RBFOX3: variants seen among roughly 807,000 people sequenced by gnomAD.
RBFOX3 encodes RNA binding fox-1 homolog 3.
Under a neutral mutation model 48.7 loss-of-function variants are expected in RBFOX3, and 17 were observed. The observed-to-expected ratio is 0.35, with a 90% CI of 0.24 to 0.52. The LOEUF (loss-of-function observed/expected upper bound fraction) is 0.52. Among genes scored for constraint, RBFOX3 ranks in the 20% least tolerant of loss-of-function variants. The probability of loss-of-function intolerance (pLI) is 0.94; values close to 1 mark genes in which losing one functional copy is unlikely to be tolerated. For missense variants in RBFOX3, 382 were observed against 497.5 expected (o/e 0.77, Z 2.21); for synonymous variants, 212 against 209.5 (o/e 1.01, Z -0.10).
At chr17:79,226,576 G>A (rs2060334674) in intron 4 of RBFOX3, among the ~76,000 whole-genome samples, 1 of 152,196 alleles carries the variant, frequency 6.6e-6, no homozygotes, top group Non-Finnish European at 1.5e-5. Flanking sequence ...TGTGGAGCAG[G>A]AGGAGCCTGG....
intron 1 of RBFOX3, among the ~76,000 whole-genome samples, chr17:79,528,816 C>A (rs1444912948): frequency 6.6e-6 from 1 of 152,088 alleles, no homozygotes; most frequent in East Asian, 1.9e-4. Context: ...AGAGGGAGCA[C>A]GGCCCTGCGA....
chr17:79,259,675 C>G (rs1018568461), intron 3 of RBFOX3, among the ~76,000 whole-genome samples: 3 of 152,086 alleles, frequency 2.0e-5, no homozygotes, highest in African/African-American at 7.2e-5. Context: ...GTCAGTAGAC[C>G]GGGCTCCCTT....
At chr17:79,106,534 A>G in intron 6 of RBFOX3, 117 bp downstream of exon 6, 1 of 1,275,530 alleles carries the variant, frequency 7.8e-7, no homozygotes, top group Non-Finnish European at 1.0e-6. Context: ...CTCCCTGCGC[A>G]GTGGGAGGCA....
chr17:79,090,872 G>T lies in RBFOX3; in HGVS notation c.*11C>A. On this transcript the variant is annotated 3_prime_UTR_variant, in exon 15 of 15. Coordinates refer to ENST00000693108, the MANE Select transcript of RBFOX3 (RefSeq NM_001350451.2). The stretch of plus-strand genomic sequence containing the variant: ...GCCCTTCATGGTCCGAGAAGGAAAC[G>T]GTGGAAGGTTTCACTACAACAGAAA... The T allele has an allele frequency of 6.5e-7, 1 of 1,530,134 alleles. No homozygotes were observed. The highest frequency in any genetic ancestry group is 8.8e-7 in the Non-Finnish European group (1 of 1,139,490). 94.8% of individuals were successfully genotyped at this position (1,530,134 alleles called of 1,614,324 possible). A position where few individuals can be genotyped will look rare whatever the true frequency, so the allele number is the denominator to read the frequency against.
At chr17:79,502,122 A>T (rs2082458100) in intron 1 of RBFOX3, among the ~76,000 whole-genome samples, 1 of 152,210 alleles carries the variant, frequency 6.6e-6, no homozygotes, top group East Asian at 1.9e-4. Context: ...CATCTGAAAA[A>T]TGGGGCTAAT....
intron 2 of RBFOX3, among the ~76,000 whole-genome samples, chr17:79,335,136 G>A (rs1027172224): frequency 1.3e-5 from 2 of 152,200 alleles, no homozygotes; most frequent in African/African-American, 4.8e-5. Flanking sequence ...CTCTCCCTGT[G>A]TAGACGAGGC....
intron 2 of RBFOX3, among the ~76,000 whole-genome samples, chr17:79,442,399 G>A (rs1450783561): frequency 1.5e-5 from 2 of 137,166 alleles, no homozygotes; most frequent in Non-Finnish European, 3.2e-5. Context: ...GAGAGAGAGA[G>A]AGAAAGAGAG....
chr17:79,233,413 A>G lies in RBFOX3; in HGVS notation c.-34+2353T>C, dbSNP rs76882960. Among the ~76,000 whole-genome samples the G allele has an allele frequency of 8.4e-3, 1,283 of 152,284 alleles. 18 individuals are homozygous for G. Among genetic ancestry groups the G allele is most frequent in the African/African-American group, 0.029 (1,224 of 41,558 alleles). ...ACAATGTAATGGTTGGGGGTGATGAATACATCCATTATCTTGATTGTGGTG... is the reference window on the plus strand; with the variant it reads ...ACAATGTAATGGTTGGGGGTGATGAGTACATCCATTATCTTGATTGTGGTG... On this transcript the variant is annotated intron_variant, in intron 4 of 14. Coordinates refer to ENST00000693108, the MANE Select transcript of RBFOX3 (RefSeq NM_001350451.2).
Position 79,131,856 on chromosome 17 carries a change from G to T in RBFOX3, c.-33-16108C>A, listed in dbSNP as rs192578224. On this transcript the variant is annotated intron_variant, in intron 4 of 14. Coordinates refer to ENST00000693108, the MANE Select transcript of RBFOX3 (RefSeq NM_001350451.2). ...AGAGCCCAACCCCAGCCCCAGACCAGACTCAGTCCCTCCCTGCTCAGGTCA... is the reference window on the plus strand; with the variant it reads ...AGAGCCCAACCCCAGCCCCAGACCATACTCAGTCCCTCCCTGCTCAGGTCA... Among the ~76,000 whole-genome samples, 234 of 152,250 alleles carry T rather than the reference G, an allele frequency of 1.5e-3. 1 individual carries two copies. Among genetic ancestry groups the T allele is most frequent in the African/African-American group, 5.4e-3 (226 of 41,544 alleles).
intron 3 of RBFOX3, among the ~76,000 whole-genome samples, chr17:79,250,446 T>C (rs1278242387): frequency 6.9e-6 from 1 of 145,186 alleles, no homozygotes; most frequent in Non-Finnish European, 1.5e-5. Context: ...GGTCAGACTT[T>C]AAAGAATAAT....
chr17:79,572,301 C>T (rs1310156070), intron 1 of RBFOX3, among the ~76,000 whole-genome samples: 1 of 152,182 alleles, frequency 6.6e-6, no homozygotes, highest in African/African-American at 2.4e-5. Context: ...CCCCGCCACC[C>T]GGCTTAGCCA....
At position 79,101,590 on chromosome 17, in the gene RBFOX3, T is replaced by C. The variant is rs925722930; in HGVS notation, c.562A>G (p.Thr188Ala). The C allele has an allele frequency of 3.9e-6, 6 of 1,550,184 alleles. No homozygotes were observed. Among genetic ancestry groups the C allele is most frequent in the African/African-American group, 2.7e-5 (2 of 73,024 alleles). ...MTNKKTGNPY[T>A]NGWKLNPVVG... is the part of the protein sequence containing the mutation. ...GGGGGACCCAGCCCCTTACCGTTGG[T>C]GTAGGGGTTCCCCGTCTTCTTGTTG... Residue 188 changes from threonine to alanine, a missense_variant, in exon 9 of 15, where the codon ACC becomes GCC. Around this residue, in one of 3 missense-constraint regions of RBFOX3, gnomAD observed 215 missense variants for 254.8 expected, o/e 0.84. Transcript: ENST00000693108.
At position 79,423,253 on chromosome 17, in the gene RBFOX3, A is replaced by T. The variant is rs1250450344; in HGVS notation, c.-175+59201T>A. 6.6e-6 allele frequency among the ~76,000 whole-genome samples: 1 copy of T among 152,166 alleles called. No homozygotes were observed. Among genetic ancestry groups the T allele is most frequent in the Admixed American group, 6.5e-5 (1 of 15,284 alleles). On this transcript the variant is annotated intron_variant, in intron 2 of 14. Coordinates refer to ENST00000693108, the MANE Select transcript of RBFOX3 (RefSeq NM_001350451.2). This position sits in a 1 kb window ranked among gnomAD's most constrained non-coding sequence, Gnocchi z 4.9. ...GCCCCATCTTTCCAGGTTCCCAGGT[A>T]CAAGTTCGTGGCATTGTCCTGGATT... is the stretch of plus-strand genomic sequence containing the variant.
chr17:79,535,450 G>A lies in RBFOX3; in HGVS notation c.-319-52852C>T, dbSNP rs578062491. Among the ~76,000 whole-genome samples, 2 of 152,186 alleles carry A rather than the reference G, an allele frequency of 1.3e-5. No homozygotes were observed. The highest frequency in any genetic ancestry group is 1.3e-4 in the Admixed American group (2 of 15,290). On this transcript the variant is annotated intron_variant, in intron 1 of 14. Transcript: ENST00000693108. This position sits in a 1 kb window ranked among gnomAD's most constrained non-coding sequence, Gnocchi z 4.5. ...CTGTCCTCCGGAGAGTGTCACAAGG[G>A]GACAGCGGCCTCCAATCTCCCGATT... is the stretch of plus-strand genomic sequence containing the variant.
At chr17:79,229,134 C>A (rs1037110434) in intron 4 of RBFOX3, among the ~76,000 whole-genome samples, 1 of 140,818 alleles carries the variant, frequency 7.1e-6, no homozygotes, top group Non-Finnish European at 1.5e-5. Context: ...GAGGCTGAGG[C>A]AGGAGAATGG....
At chr17:79,209,996 C>CAAAAA (rs11452185) in intron 4 of RBFOX3, among the ~76,000 whole-genome samples, 1 of 132,924 alleles carries the variant, frequency 7.5e-6, no homozygotes, top group African/African-American at 2.8e-5. Flanking sequence ...GACTCCATCT[C>CAAAAA]AAAAAAAAAA....
chr17:79,483,240 C>T (rs1050304564), intron 1 of RBFOX3, among the ~76,000 whole-genome samples: 12 of 151,936 alleles, frequency 7.9e-5, no homozygotes, highest in Non-Finnish European at 1.6e-4. Flanking sequence ...CGCTCATAGA[C>T]AGCTTCACGG....
chr17:79,401,266 G>A (rs951159887), intron 2 of RBFOX3, among the ~76,000 whole-genome samples: 3 of 152,216 alleles, frequency 2.0e-5, no homozygotes, highest in African/African-American at 7.2e-5. Flanking sequence ...TGAGCGGCGG[G>A]AGCCACGCCC....
chr17:79,132,208 G>A (rs1273186887), intron 4 of RBFOX3, among the ~76,000 whole-genome samples: 1 of 148,466 alleles, frequency 6.7e-6, no homozygotes, highest in African/African-American at 2.5e-5. Flanking sequence ...GCCAGCTGGG[G>A]CTGAGGTCAG....
Sources: allele counts gnomAD v4.1 joint callset (sites outside exome capture counted in the v4.1 genomes callset), GRCh38; gene constraint gnomAD v4.1.1; regional missense constraint gnomAD v4.1.1; non-coding constraint Gnocchi (gnomAD v3.1); transcripts MANE v1.5; gene names NCBI Gene and HGNC (gene_info 2026-07-23, HGNC 2026-07-21).